The following SLC44A1 variants were observed in gnomAD, a reference collection of about 807,000 sequenced individuals.
SLC44A1 encodes choline transporter-like protein 1.
SLC44A1 carries 26 observed loss-of-function variants against 79.3 expected under a neutral mutation model. The observed-to-expected ratio is 0.33, with a 90% CI of 0.24 to 0.46. The LOEUF (loss-of-function observed/expected upper bound fraction) is 0.46. SLC44A1 is among the 20% of genes least tolerant of loss of function. The probability of loss-of-function intolerance (pLI) is 1.00; values close to 1 mark genes in which losing one functional copy is unlikely to be tolerated. For missense variants in SLC44A1, 688 were observed against 798.1 expected, an observed-to-expected ratio of 0.86 and a Z score of 1.66; for synonymous variants, 263 against 286.2, an observed-to-expected ratio of 0.92 and a Z score of 0.82.
intron 2 of SLC44A1, among the ~76,000 whole-genome samples, chr9:105,309,312 T>G (rs1266825643): frequency 1.3e-5 from 2 of 152,214 alleles, no homozygotes; most frequent in African/African-American, 4.8e-5. Context: ...TTTACTAGCT[T>G]TGATGGCCTT....
rs374923869 is a variant in SLC44A1 at position 105,410,583 on chromosome 9, A to G, written c.1950+25081A>G. 2.6e-5 allele frequency among the ~76,000 whole-genome samples: 4 copies of G among 152,228 alleles called. No individual in the cohort carries two copies. The East Asian group carries it at 7.7e-4, about 29-fold the overall frequency. ...TAGACAATAAGAAGTGTTGACGAGA[A>G]CACTCATACATTGCTGGTGAGAATG... On this transcript the variant is annotated intron_variant, in intron 15 of 15. Transcript: ENST00000374724.
intron 13 of SLC44A1, among the ~76,000 whole-genome samples, chr9:105,378,588 TATA>T (rs1443670883): frequency 6.6e-6 from 1 of 152,076 alleles, no homozygotes; most frequent in Admixed American, 6.5e-5. Context: ...ATGTAATATT[TATA>T]ATATTTCAAA....
At chr9:105,325,786 G>A (rs1826556389) in intron 3 of SLC44A1, among the ~76,000 whole-genome samples, 1 of 152,302 alleles carries the variant, frequency 6.6e-6, no homozygotes, top group African/African-American at 2.4e-5. Context: ...TAATGGATAG[G>A]AGGTTTCTTT....
intron 1 of SLC44A1, among the ~76,000 whole-genome samples, chr9:105,278,820 G>A (rs750126708): frequency 6.6e-6 from 1 of 151,882 alleles, no homozygotes; most frequent in Non-Finnish European, 1.5e-5. Flanking sequence ...TTTTTTTTCC[G>A]CCTTTAAGGT....
At chr9:105,289,629 A>G (rs1411472339) in intron 1 of SLC44A1, among the ~76,000 whole-genome samples, 1 of 152,146 alleles carries the variant, frequency 6.6e-6, no homozygotes, top group South Asian at 2.1e-4. Context: ...CTGAACACAT[A>G]TTTGTTTCAG....
At chr9:105,388,973 C>A (rs1828696704) in intron 15 of SLC44A1, 60 bp from the exon 16 acceptor site, 1 of 1,282,130 alleles carries the variant, frequency 7.8e-7, no homozygotes, top group South Asian at 1.2e-5. Flanking sequence ...TAACATCATT[C>A]ATGATCTCCT....
In SLC44A1 at chr9:105,300,919, G is replaced by T. The variant is rs552248669; in HGVS notation, c.126+1610G>T. 4.2e-4 allele frequency among the ~76,000 whole-genome samples: 64 copies of T among 151,972 alleles called. No homozygotes were observed. The South Asian group carries it at 8.3e-3, about 20-fold the overall frequency. On this transcript the variant is annotated intron_variant, in intron 2 of 15. Transcript: ENST00000374720. ...GCCTCCCAAGTAGCTGGGATTACAGGCATGTACCACCACGCCCAGCTAATT... is the reference window on the plus strand; with the variant it reads ...GCCTCCCAAGTAGCTGGGATTACAGTCATGTACCACCACGCCCAGCTAATT...
At position 105,393,128 on chromosome 9, in the gene SLC44A1, A is replaced by C. The variant is rs1828803141; in HGVS notation, c.*4072A>C. 1.0e-6 allele frequency: 1 copy of C among 985,330 alleles called. No individual in the cohort carries two copies. The highest frequency in any genetic ancestry group is 6.1e-5 in the Admixed American group (1 of 16,270). The allele number at this position is 985,330 out of a possible 1,614,324, so 61.0% of individuals were successfully genotyped here. ...GTGGTCTGTGAATGTATATTGAAAA[A>C]ATGTGGGTTCATAAGTAAAAGCGTA... is the stretch of plus-strand genomic sequence containing the variant. On this transcript the variant is annotated 3_prime_UTR_variant, in exon 16 of 16. Transcript: ENST00000374720.
At chr9:105,293,616 G>A (rs564503612) in intron 1 of SLC44A1, among the ~76,000 whole-genome samples, 3 of 152,232 alleles carry the variant, frequency 2.0e-5, no homozygotes, top group East Asian at 3.9e-4. Flanking sequence ...GGCCCCTGGC[G>A]TTGGCCCACC....
intron 5 of SLC44A1, among the ~76,000 whole-genome samples, chr9:105,352,912 G>A (rs1827499625): frequency 6.6e-6 from 1 of 151,826 alleles, no homozygotes; most frequent in Admixed American, 6.6e-5. Flanking sequence ...GTTTTTGTTT[G>A]GGGAAAAGTT....
At chr9:105,326,279 C>T (rs1826573834) in intron 3 of SLC44A1, among the ~76,000 whole-genome samples, 1 of 152,160 alleles carries the variant, frequency 6.6e-6, no homozygotes, top group Non-Finnish European at 1.5e-5. Context: ...CTGTGTTGCC[C>T]AGGCTAGTCT....
intron 3 of SLC44A1, among the ~76,000 whole-genome samples, chr9:105,318,927 C>G (rs1826293724): frequency 6.6e-6 from 1 of 152,246 alleles, no homozygotes; most frequent in South Asian, 2.1e-4. Flanking sequence ...TACAAATGCT[C>G]AATCTGAAGT....
chr9:105,304,207 C>A (rs1474043024), intron 2 of SLC44A1, among the ~76,000 whole-genome samples: 1 of 152,100 alleles, frequency 6.6e-6, no homozygotes, highest in Non-Finnish European at 1.5e-5. Flanking sequence ...CTTCCCAGGG[C>A]ATGATGTTTC....
intron 2 of SLC44A1, among the ~76,000 whole-genome samples, chr9:105,302,486 G>T (rs1199968097): frequency 6.6e-6 from 1 of 151,840 alleles, no homozygotes; most frequent in African/African-American, 2.4e-5. Context: ...CTGAGTAGCT[G>T]AGATTTCAGG....
At chr9:105,260,734 G>T (rs1829819940) in intron 1 of SLC44A1, among the ~76,000 whole-genome samples, 1 of 152,120 alleles carries the variant, frequency 6.6e-6, no homozygotes, top group Admixed American at 6.5e-5. Context: ...ACTGCTATGG[G>T]GTCAGCTGGG....
chr9:105,315,404 T>G (rs749481983), intron 3 of SLC44A1, among the ~76,000 whole-genome samples: 3 of 151,740 alleles, frequency 2.0e-5, no homozygotes, highest in Non-Finnish European at 4.4e-5. Flanking sequence ...TTAAGGAAAC[T>G]CCATATTTGC....
intron 15 of SLC44A1, among the ~76,000 whole-genome samples, chr9:105,433,274 C>T (rs867718302): frequency 1.1e-4 from 16 of 151,970 alleles, no homozygotes; most frequent in African/African-American, 3.6e-4. Flanking sequence ...CCAGTCTGCG[C>T]GATGGGAGCG....
At position 105,365,558 on chromosome 9, in the gene SLC44A1, G is replaced by A; in HGVS notation, c.1329G>A (p.Val443=). The change falls in exon 11 of 16, where the codon GTG becomes GTA. Residue 443 remains valine, a synonymous_variant. Transcript: ENST00000374720. ...NRLIRYHLGT[V]AKGSFIITLV... ...TTATTCGTTACCACCTAGGTACGGT[G>A]GCAAAAGGATCTTTCATTATCACAT... 6.2e-7 allele frequency: 1 copy of A among 1,613,322 alleles called. No individual in the cohort carries two copies. The highest frequency in any genetic ancestry group is 1.1e-5 in the South Asian group (1 of 91,042).
chr9:105,324,199 G>A lies in SLC44A1; in HGVS notation c.270-11364G>A, dbSNP rs188351061. On this transcript the variant is annotated intron_variant, in intron 3 of 15. Coordinates refer to ENST00000374720, the MANE Select transcript of SLC44A1 (RefSeq NM_080546.5). ...TGTATGTGTTAGCCAGGATGGTCTC[G>A]ATCTCCTGACCTCGTGATCAGGATT... Among the ~76,000 whole-genome samples the A allele has an allele frequency of 2.7e-5, 4 of 150,094 alleles. No individual in the cohort carries two copies. The East Asian group carries it at 6.0e-4, about 22-fold the overall frequency.
Sources: gnomAD v4.1 joint callset for allele counts (sites outside exome capture counted in the v4.1 genomes callset) on GRCh38, gnomAD v4.1.1 for gene constraint, MANE v1.5 for transcripts, NCBI Gene and HGNC (gene_info 2026-07-23, HGNC 2026-07-21) for gene names.